Variants in AP3B1 observed in about 807,000 individuals in gnomAD.
AP3B1 encodes the protein adaptor related protein complex 3 subunit beta 1, also known as AP-3 complex subunit beta-1.
AP3B1 carries 61 observed loss-of-function variants against 132.5 expected under a neutral mutation model. That is an observed-to-expected ratio of 0.46 (90% CI 0.37 to 0.57). The LOEUF is 0.57. Among genes scored for constraint, AP3B1 ranks in the 20% least tolerant of loss-of-function variants. The pLI is 0.00. For missense variants in AP3B1, 1,120 were observed against 1,289.4 expected, an observed-to-expected ratio of 0.87 and a Z score of 2.01; for synonymous variants, 388 against 438.3, an observed-to-expected ratio of 0.89 and a Z score of 1.43.
At chr5:78,106,563 G>A (rs183215273) in intron 20 of AP3B1, among the ~76,000 whole-genome samples, 121 of 152,274 alleles carry the variant, frequency 7.9e-4, no homozygotes, top group African/African-American at 2.6e-3. Flanking sequence ...AATGGCAGTG[G>A]GCCATCAGGA....
chr5:78,231,116 T>A (rs1204993159), intron 3 of AP3B1, among the ~76,000 whole-genome samples: 1 of 151,824 alleles, frequency 6.6e-6, no homozygotes. Flanking sequence ...CAAGACACCA[T>A]CTGAAAAAAA....
At chr5:78,100,695 C>G (rs894316661) in intron 21 of AP3B1, among the ~76,000 whole-genome samples, 10 of 152,128 alleles carry the variant, frequency 6.6e-5, no homozygotes, top group African/African-American at 2.4e-4. Flanking sequence ...GTATAAATTA[C>G]TAAAGCAAAA....
chr5:78,141,098 G>A (rs749690492), intron 15 of AP3B1, 45 bp downstream of exon 15: 1 of 1,569,204 alleles, frequency 6.4e-7, no homozygotes, highest in Non-Finnish European at 8.8e-7. Context: ...TCAGAGTGAA[G>A]AGGAAAGTAC....
chr5:78,047,424 GTTTTGA>G (rs1748387706), intron 22 of AP3B1, among the ~76,000 whole-genome samples: 1 of 152,088 alleles, frequency 6.6e-6, no homozygotes, highest in African/African-American at 2.4e-5. Context: ...TCTCATTGTG[GTTTTGA>G]TTTGCATTTC....
At position 78,193,738 on chromosome 5, in the gene AP3B1, A is replaced by T. The variant is rs866398931; in HGVS notation, c.787-12076T>A. On this transcript the variant is annotated intron_variant, in intron 7 of 26. Coordinates refer to ENST00000255194, the MANE Select transcript of AP3B1 (RefSeq NM_003664.5). ...TACATATTTTTAAATATTTGTATAT[A>T]TTTTTTTATATATATATATATATAT... is the stretch of plus-strand genomic sequence containing the variant. Among the ~76,000 whole-genome samples the T allele has an allele frequency of 1.4e-3, 126 of 87,478 alleles. 1 individual carries two copies. The highest frequency in any genetic ancestry group is 4.4e-3 in the African/African-American group (109 of 24,512). The allele number at this position is 87,478 out of a possible 152,430, so 57.4% of individuals were successfully genotyped here.
At chr5:78,136,260 C>T (rs1752905905) in intron 15 of AP3B1, among the ~76,000 whole-genome samples, 1 of 152,152 alleles carries the variant, frequency 6.6e-6, no homozygotes, top group Non-Finnish European at 1.5e-5. Flanking sequence ...AAGCATTTTA[C>T]ATGAACTGTT....
intron 2 of AP3B1, among the ~76,000 whole-genome samples, chr5:78,251,371 G>T (rs1313830324): frequency 1.3e-5 from 2 of 152,042 alleles, no homozygotes; most frequent in Non-Finnish European, 2.9e-5. Context: ...CAAAAATCAG[G>T]GGAGCACTCA....
chr5:78,015,740 T>C, intron 25 of AP3B1, 192 bp from the exon 26 acceptor site: 2 of 562,466 alleles, frequency 3.6e-6, no homozygotes, highest in South Asian at 4.2e-5. Flanking sequence ...ATCCTCATTG[T>C]ATAGGAAAAT....
intron 23 of AP3B1, among the ~76,000 whole-genome samples, chr5:78,036,083 T>C (rs950757832): frequency 1.3e-5 from 2 of 152,162 alleles, no homozygotes; most frequent in African/African-American, 4.8e-5. Context: ...TCTTTGCATG[T>C]CATTTGACAA....
At chr5:78,201,586 T>C (rs1168310509) in intron 7 of AP3B1, among the ~76,000 whole-genome samples, 1 of 152,222 alleles carries the variant, frequency 6.6e-6, no homozygotes, top group African/African-American at 2.4e-5. Flanking sequence ...ATGACTCTAA[T>C]TATATTAAGC....
At chr5:78,211,199 T>C (rs907360508) in intron 7 of AP3B1, among the ~76,000 whole-genome samples, 1 of 152,190 alleles carries the variant, frequency 6.6e-6, no homozygotes, top group African/African-American at 2.4e-5. Flanking sequence ...CTCATTAATA[T>C]GTAAATTTAA....
intron 17 of AP3B1, among the ~76,000 whole-genome samples, chr5:78,118,241 A>G (rs1489572011): frequency 6.6e-6 from 1 of 152,234 alleles, no homozygotes; most frequent in Non-Finnish European, 1.5e-5. Context: ...GCTCCGGTCT[A>G]CAGCTCCCAG....
At chr5:78,149,882 G>C (rs1036289365) in intron 14 of AP3B1, among the ~76,000 whole-genome samples, 11 of 151,612 alleles carry the variant, frequency 7.3e-5, no homozygotes, top group African/African-American at 2.7e-4. Context: ...TCTCCGCTGA[G>C]AGATGGGGTG....
intron 7 of AP3B1, among the ~76,000 whole-genome samples, chr5:78,210,876 T>C (rs1197179039): frequency 3.3e-5 from 5 of 152,130 alleles, no homozygotes; most frequent in African/African-American, 1.2e-4. Context: ...GCAACTTTAG[T>C]CTTAGAGATC....
chr5:78,114,671 A>C (rs1407404048), intron 18 of AP3B1, among the ~76,000 whole-genome samples: 1 of 152,218 alleles, frequency 6.6e-6, no homozygotes, highest in Non-Finnish European at 1.5e-5. Flanking sequence ...ACAAAAGGAC[A>C]AACTGTTGCC....
intron 15 of AP3B1, among the ~76,000 whole-genome samples, chr5:78,131,289 C>T (rs1752676954): frequency 6.6e-6 from 1 of 151,654 alleles, no homozygotes; most frequent in Admixed American, 6.6e-5. Flanking sequence ...AATCTTTTTC[C>T]AAATTAAATT....
At chr5:78,151,864 CCCCTCCTCTCCCCAT>C (rs1229774689) in intron 14 of AP3B1, among the ~76,000 whole-genome samples, 1 of 62,962 alleles carries the variant, frequency 1.6e-5, no homozygotes, top group Non-Finnish European at 3.2e-5. Context: ...CCTTCCCCTC[CCCCTCCTCTCCCCAT>C]CCCTCCTCTC....
At chr5:78,053,694 A>G (rs561478269) in intron 22 of AP3B1, among the ~76,000 whole-genome samples, 120 of 93,508 alleles carry the variant, frequency 1.3e-3, no homozygotes, top group African/African-American at 5.1e-3. Context: ...AAAAAAAAAA[A>G]AAAGAAAGAA....
At chr5:78,106,732 G>A (rs966925281) in intron 20 of AP3B1, among the ~76,000 whole-genome samples, 2 of 152,080 alleles carry the variant, frequency 1.3e-5, no homozygotes, top group African/African-American at 4.8e-5. Flanking sequence ...GAGAAATAAC[G>A]CACAGAACAT....
Sources: allele counts gnomAD v4.1 joint callset (sites outside exome capture counted in the v4.1 genomes callset), GRCh38; gene constraint gnomAD v4.1.1; transcripts MANE v1.5; gene names NCBI Gene and HGNC (gene_info 2026-07-23, HGNC 2026-07-21).